The following PLEKHA4 variants were observed in gnomAD, a reference collection of about 807,000 sequenced individuals.
PLEKHA4 encodes pleckstrin homology domain containing A4.
Under a neutral mutation model 94.7 loss-of-function variants are expected in PLEKHA4, and 73 were observed. The ratio of observed to expected loss-of-function variants is 0.77; its 90% CI spans 0.64 to 0.94. The LOEUF (loss-of-function observed/expected upper bound fraction) is 0.94. PLEKHA4 is among the 40% of genes least tolerant of loss of function. PLEKHA4 has a pLI of 0.00. For synonymous variants in PLEKHA4, 449 were observed against 437.1 expected (o/e 1.03, Z -0.34); for missense variants, 1,049 against 1,054.1 (o/e 1.00, Z 0.07).
chr19:48,851,685 T>G (rs1359579461), intron 13 of PLEKHA4, among the ~76,000 whole-genome samples: 1 of 151,694 alleles, frequency 6.6e-6, no homozygotes, highest in African/African-American at 2.4e-5. Context: ...TCTGGCGCAG[T>G]GGCTCATGCT....
At chr19:48,851,158 A>G (rs1183160265) in intron 13 of PLEKHA4, among the ~76,000 whole-genome samples, 6 of 152,132 alleles carry the variant, frequency 3.9e-5, no homozygotes, top group African/African-American at 1.4e-4. Context: ...AATAAAAAAT[A>G]AAAGAGTATA....
chr19:48,858,067 G>A (rs561491645), intron 8 of PLEKHA4, among the ~76,000 whole-genome samples: 1 of 152,244 alleles, frequency 6.6e-6, no homozygotes, highest in African/African-American at 2.4e-5. Flanking sequence ...CTCTCCAGCT[G>A]TGTGCCACTG....
chr19:48,853,656 G>A (rs910300617), intron 12 of PLEKHA4, 26 bp downstream of exon 12: 3 of 1,507,830 alleles, frequency 2.0e-6, no homozygotes, highest in Non-Finnish European at 2.7e-6. Context: ...CCTCCTAGGA[G>A]GGCAGGCCCC....
rs1167760436 is a variant in PLEKHA4 at position 48,867,968 on chromosome 19, CT to C, written c.-7+114del. The C allele has an allele frequency of 4.0e-6, 1 of 250,740 alleles. No individual in the cohort carries two copies. Among genetic ancestry groups the C allele is most frequent in the Non-Finnish European group, 7.8e-6 (1 of 128,892 alleles). The allele number at this position is 250,740 out of a possible 1,614,324, so 15.5% of individuals were successfully genotyped here. On this transcript the variant is annotated intron_variant, in intron 1 of 19. Transcript: ENST00000263265. This position sits in a 1 kb window ranked among gnomAD's most constrained non-coding sequence, Gnocchi z 4.7. ...CTTCCGGCTGCCCCAGGCTACCTGTCTCCCGCCCTCCCACATGCACCCCCAA... is the reference window on the plus strand; with the variant it reads ...CTTCCGGCTGCCCCAGGCTACCTGTCCCCGCCCTCCCACATGCACCCCCAA...
chr19:48,861,847 C>T (rs1019752176), intron 3 of PLEKHA4, among the ~76,000 whole-genome samples, 155 bp from the exon 4 acceptor site: 2 of 151,920 alleles, frequency 1.3e-5, no homozygotes, highest in African/African-American at 4.8e-5. Context: ...GGGGTGAGGC[C>T]GAGCACAATG....
At position 48,859,003 on chromosome 19, in the gene PLEKHA4, C is replaced by A; in HGVS notation, c.829G>T (p.Asp277Tyr). The change falls in exon 8 of 20, where the codon GAT becomes TAT. Residue 277 changes from aspartate (D) to tyrosine (Y), a missense_variant. Physicochemically the swap from Asp to Tyr is radical, Grantham distance 160. Coordinates refer to ENST00000263265, the MANE Select transcript of PLEKHA4 (RefSeq NM_020904.3). ...CCCCAATCCAGAGGAGGTCGGACAT[C>A]AATGCGACTCAACGGGGTGTGAGGT... Reference protein sequence around the residue: ...ARPHTPLSRIDVRPPLDWGPQ... With the variant: ...ARPHTPLSRIYVRPPLDWGPQ... 1 of 1,568,862 alleles carries A rather than the reference C, an allele frequency of 6.4e-7. No homozygotes were observed. The highest frequency in any genetic ancestry group is 8.6e-7 in the Non-Finnish European group (1 of 1,164,538).
chr19:48,860,874 A>AAAAGGAAAGGAAAGGAAAGGAAAATGG (rs1347174675), intron 5 of PLEKHA4, among the ~76,000 whole-genome samples: 7 of 149,178 alleles, frequency 4.7e-5, no homozygotes, highest in African/African-American at 1.7e-4. Context: ...AAGGAAAGGA[A>AAAAGGAAAGGAAAGGAAAGGAAAATGG]AAAGGAAAGG....
In PLEKHA4 at chr19:48,837,243, C is replaced by A. The variant is rs772432251; in HGVS notation, c.*46G>T. ...TGGTCCCAGATCTCCGGCGGTACCTCCAGACCACGTCCTCGCGCTCCGATT... is the reference window on the plus strand; with the variant it reads ...TGGTCCCAGATCTCCGGCGGTACCTACAGACCACGTCCTCGCGCTCCGATT... On this transcript the variant is annotated 3_prime_UTR_variant, in exon 20 of 20. Transcript: ENST00000263265. This position sits in a 1 kb window ranked among gnomAD's most constrained non-coding sequence, Gnocchi z 4.3. The A allele has an allele frequency of 3.5e-5, 57 of 1,613,682 alleles. No individual in the cohort carries two copies. The highest frequency in any genetic ancestry group is 4.7e-5 in the Non-Finnish European group (56 of 1,179,858).
At chr19:48,858,578 G>A (rs1398289634) in intron 8 of PLEKHA4, among the ~76,000 whole-genome samples, 1 of 140,930 alleles carries the variant, frequency 7.1e-6, no homozygotes, top group Admixed American at 7.2e-5. Context: ...AGTGAGCCGA[G>A]ATCGTGCCAC....
intron 6 of PLEKHA4, 115 bp downstream of exon 6, chr19:48,860,235 G>T: frequency 1.2e-6 from 1 of 855,176 alleles, no homozygotes; most frequent in Admixed American, 2.3e-5. Context: ...AGGCGCCTTA[G>T]CTAGAAGACT....
Position 48,838,133 on chromosome 19 carries a change from GAA to G in PLEKHA4, c.1965-6_1965-5del. On this transcript the variant is annotated splice_polypyrimidine_tract_variant and splice_region_variant and intron_variant, in intron 18 of 19. Transcript: ENST00000263265. Reference sequence around the variant, plus strand: ...GTAAGGGGTGGTGTTCCTTGGACTAGAAAAAAAAAGAAGATTGGGGGTGGGGG... The same window carrying G: ...GTAAGGGGTGGTGTTCCTTGGACTAGAAAAAAAGAAGATTGGGGGTGGGGG... 1 of 1,246,332 alleles carries G rather than the reference GAA, an allele frequency of 8.0e-7. No individual in the cohort carries two copies. The highest frequency in any genetic ancestry group is 1.1e-6 in the Non-Finnish European group (1 of 912,338). 77.2% of individuals were successfully genotyped at this position (1,246,332 alleles called of 1,614,324 possible). A position where few individuals can be genotyped will look rare whatever the true frequency, so the allele number is the denominator to read the frequency against.
intron 2 of PLEKHA4, among the ~76,000 whole-genome samples, chr19:48,866,438 CTGAGA>C (rs2036838048): frequency 1.3e-5 from 2 of 152,142 alleles, no homozygotes; most frequent in Non-Finnish European, 2.9e-5. Flanking sequence ...TCCTGAGTAG[CTGAGA>C]TTGCAGGCAC....
chr19:48,848,157 A>G, intron 13 of PLEKHA4, 117 bp from the exon 14 acceptor site: 1 of 1,189,094 alleles, frequency 8.4e-7, no homozygotes, highest in Non-Finnish European at 1.2e-6. Context: ...GTTGGGATTT[A>G]TTTTTTTTCC....
rs746795916 is a variant in PLEKHA4 at position 48,845,462 on chromosome 19, G to A, written c.1667-16C>T. 1.1e-5 allele frequency: 17 copies of A among 1,613,820 alleles called. No individual in the cohort carries two copies. The highest frequency in any genetic ancestry group is 2.2e-5 in the East Asian group (1 of 44,862). On this transcript the variant is annotated splice_polypyrimidine_tract_variant and intron_variant, in intron 15 of 19. Coordinates refer to ENST00000263265, the MANE Select transcript of PLEKHA4 (RefSeq NM_020904.3). The stretch of plus-strand genomic sequence containing the variant: ...GACCCAAGACCTGGAAAGACAGAAC[G>A]GGACTTGGTGAGGACGGGAATTTCC...
Position 48,839,242 on chromosome 19 carries a change from C to A in PLEKHA4, c.1927G>T (p.Ala643Ser). The A allele has an allele frequency of 6.3e-7, 1 of 1,595,118 alleles. No homozygotes were observed. The highest frequency in any genetic ancestry group is 8.6e-7 in the Non-Finnish European group (1 of 1,167,536). The change falls in exon 18 of 20, where the codon GCC becomes TCC. Residue 643 changes from alanine to serine, a missense_variant. Physicochemically the swap from Ala to Ser is moderately conservative, Grantham distance 99 (BLOSUM62 1). Coordinates refer to ENST00000263265, the MANE Select transcript of PLEKHA4 (RefSeq NM_020904.3). ...EQRPVVGHSG[A>S]QKWLRSSGSW... ...CCAGAGCTTCTGAGCCATTTCTGGG[C>A]TCCCGAGTGTCCTACGACAGGCTGG...
At chr19:48,857,217 T>G (rs543715866) in intron 9 of PLEKHA4, among the ~76,000 whole-genome samples, 1 of 152,278 alleles carries the variant, frequency 6.6e-6, no homozygotes, top group African/African-American at 2.4e-5. Flanking sequence ...TCCAGGCCTC[T>G]GGCCTCCAGA....
chr19:48,839,415 G>T (rs895459411), intron 17 of PLEKHA4, 152 bp from the exon 18 acceptor site: 4 of 472,344 alleles, frequency 8.5e-6, no homozygotes, highest in African/African-American at 7.9e-5. Context: ...TGTAGGCACT[G>T]AATTTTTAAA....
rs760392472 is a variant in PLEKHA4, at chr19:48,853,841, G to C, written c.1177-10C>G. On this transcript the variant is annotated splice_polypyrimidine_tract_variant and intron_variant, in intron 11 of 19. Transcript: ENST00000263265. ...CTGCTTCTAGTTGCTCCTGCACCAA[G>C]ACAGAAGGTGGTTAGACTTCAGAAG... The C allele has an allele frequency of 5.6e-6, 9 of 1,598,904 alleles. No homozygotes were observed. The highest frequency in any genetic ancestry group is 1.1e-5 in the South Asian group (1 of 89,620).
rs150358298 is a variant in PLEKHA4 at position 48,859,539 on chromosome 19, T to C, written c.622A>G (p.Arg208Gly). ...TRLSRGRGRPRLLTPSPTTDL... is the reference protein window; with the variant it reads ...TRLSRGRGRPGLLTPSPTTDL... ...GTTGTGGGGCTGGGAGTGAGCAGCC[T>C]GGGTCTACCACGACCTCTGGAGAGT... The change falls in exon 7 of 20, where the codon AGG (arginine) becomes GGG (glycine). Residue 208 changes from arginine (R) to glycine (G), a missense_variant. Arg to Gly is a moderately radical substitution (Grantham distance 125, BLOSUM62 -2). Coordinates refer to ENST00000263265, the MANE Select transcript of PLEKHA4 (RefSeq NM_020904.3). 9 of 1,613,902 alleles carry C rather than the reference T, an allele frequency of 5.6e-6. No individual in the cohort carries two copies. In the African/African-American group the frequency reaches 1.1e-4, roughly 19 times the overall value.
Sources: allele counts gnomAD v4.1 joint callset (sites outside exome capture counted in the v4.1 genomes callset), GRCh38; gene constraint gnomAD v4.1.1; non-coding constraint Gnocchi (gnomAD v3.1); transcripts MANE v1.5; gene names NCBI Gene and HGNC (gene_info 2026-07-23, HGNC 2026-07-21).